Variants in DHX36 observed in about 807,000 individuals in gnomAD.
The protein encoded by DHX36 is ATP-dependent DNA/RNA helicase DHX36.
In DHX36, 50 loss-of-function variants were observed where a neutral mutation model predicts 139.0. The observed-to-expected ratio is 0.36, with a 90% CI of 0.29 to 0.46. The LOEUF is 0.46. Ranked by LOEUF, DHX36 falls within the 20% of genes least tolerant of loss-of-function variation. The pLI, the probability that DHX36 is intolerant of heterozygous loss-of-function variation, is 1.00. For synonymous variants in DHX36, 425 were observed against 401.9 expected (o/e 1.06, Z -0.69); for missense variants, 1,024 against 1,211.3 (o/e 0.85, Z 2.29).
chr3:154,303,602 A>G (rs1712384203), intron 8 of DHX36, among the ~76,000 whole-genome samples, 192 bp from the exon 9 acceptor site: 1 of 152,182 alleles, frequency 6.6e-6, no homozygotes, highest in African/African-American at 2.4e-5. Context: ...ACTCAATACC[A>G]TTTTACTGCT....
intron 15 of DHX36, among the ~76,000 whole-genome samples, 159 bp downstream of exon 15, chr3:154,292,392 A>G (rs950898521): frequency 6.6e-6 from 1 of 152,234 alleles, no homozygotes; most frequent in Non-Finnish European, 1.5e-5. Flanking sequence ...CAAACAAACT[A>G]CGATTAGAAC....
intron 3 of DHX36, chr3:154,311,906 A>G (rs1195175691): frequency 2.5e-6 from 1 of 398,184 alleles, no homozygotes; most frequent in Non-Finnish European, 4.4e-6. Flanking sequence ...GCTTTAAGTC[A>G]GTGGCAGTAA....
rs1403469802 is a variant in DHX36 at position 154,274,423 on chromosome 3, T to A, written c.*1748A>T. 1 of 156,078 alleles carries A rather than the reference T, an allele frequency of 6.4e-6. No homozygotes were observed. The highest frequency in any genetic ancestry group is 1.4e-5 in the Non-Finnish European group (1 of 70,424). The allele number at this position is 156,078 out of a possible 1,614,324, so 9.7% of individuals were successfully genotyped here. On this transcript the variant is annotated 3_prime_UTR_variant, in exon 25 of 25. Transcript: ENST00000496811. ...TTTATTATATCAACATAAGTCCACA[T>A]GTAAAGCAGCTCTAGAATGGGTTAA...
At chr3:154,288,147 C>CAAAAAAAAA (rs34632439) in intron 17 of DHX36, among the ~76,000 whole-genome samples, 3 of 53,338 alleles carry the variant, frequency 5.6e-5, no homozygotes, top group African/African-American at 7.8e-5. Flanking sequence ...GACTCTGTCT[C>CAAAAAAAAA]AAAAAAAAAA....
chr3:154,300,064 CTTTTTTTTTT>C, intron 11 of DHX36, 139 bp from the exon 12 acceptor site: 2 of 502,370 alleles, frequency 4.0e-6, no homozygotes, highest in Non-Finnish European at 7.2e-6. Flanking sequence ...AGTATATAAG[CTTTTTTTTTT>C]TAATTATTGT....
At position 154,293,878 on chromosome 3, in the gene DHX36, A is replaced by G. The variant is rs113648446; in HGVS notation, c.1606-66T>C. ...CTTCTAATACATTATATTTGTAATTAGAGGAATTACCTCAGATACTGTTCA... is the reference window on the plus strand; with the variant it reads ...CTTCTAATACATTATATTTGTAATTGGAGGAATTACCTCAGATACTGTTCA... On this transcript the variant is annotated intron_variant, in intron 13 of 24. Coordinates refer to ENST00000496811, the MANE Select transcript of DHX36 (RefSeq NM_020865.3). 550 of 1,178,126 alleles carry G rather than the reference A, an allele frequency of 4.7e-4. 1 individual carries two copies. In the African/African-American group the frequency reaches 7.3e-3, roughly 16 times the overall value. The allele number at this position is 1,178,126 out of a possible 1,614,324, so 73.0% of individuals were successfully genotyped here.
rs147125955 is a variant in DHX36, at chr3:154,293,676, A to G, written c.1670+72T>C. 2.9e-5 allele frequency: 31 copies of G among 1,084,504 alleles called. No individual in the cohort carries two copies. In the East Asian group the frequency reaches 7.4e-4, roughly 26 times the overall value. The allele number at this position is 1,084,504 out of a possible 1,614,324, so 67.2% of individuals were successfully genotyped here. A position where few individuals can be genotyped will look rare whatever the true frequency, so the allele number is the denominator to read the frequency against. Reference sequence around the variant, plus strand: ...GGTATATGGTAGAGAAAAAAGATTAAGGTATATAAACACGTTATGGTGTTT... The same window carrying G: ...GGTATATGGTAGAGAAAAAAGATTAGGGTATATAAACACGTTATGGTGTTT... On this transcript the variant is annotated intron_variant, in intron 14 of 24. Transcript: ENST00000496811.
intron 1 of DHX36, among the ~76,000 whole-genome samples, chr3:154,321,696 C>T (rs60409212): frequency 0.03 from 4,641 of 152,270 alleles, 205 homozygotes; most frequent in African/African-American, 0.1. Flanking sequence ...CCATGGCTCA[C>T]GCCTGTAATC....
chr3:154,292,873 C>T (rs572844495), intron 14 of DHX36, among the ~76,000 whole-genome samples, 179 bp from the exon 15 acceptor site: 1 of 152,062 alleles, frequency 6.6e-6, no homozygotes, highest in South Asian at 2.1e-4. Flanking sequence ...TCTTCACACC[C>T]ACATTACCAA....
At chr3:154,306,922 A>G (rs1712523441) in intron 5 of DHX36, among the ~76,000 whole-genome samples, 1 of 152,118 alleles carries the variant, frequency 6.6e-6, no homozygotes, top group Non-Finnish European at 1.5e-5. Flanking sequence ...ACACTGACAG[A>G]CCACATTAAC....
Position 154,289,811 on chromosome 3 carries a change from A to G in DHX36, c.1830T>C (p.His610=). The part of the protein sequence containing the change: ...KGRAGRVQPG[H]CYHLYNGLRA... ...TAAGACCATTATACAGATGATAGCA[A>G]TGACCAGGTTGAACTCTTAAAAAAA... Residue 610 remains histidine, a synonymous_variant, in exon 16 of 25, where the codon CAT becomes CAC. Transcript: ENST00000496811. The G allele has an allele frequency of 6.3e-7, 1 of 1,597,026 alleles. No homozygotes were observed. The highest frequency in any genetic ancestry group is 8.5e-7 in the Non-Finnish European group (1 of 1,170,798).
chr3:154,275,557 G>A lies in DHX36; in HGVS notation c.*614C>T, dbSNP rs1040416983. 1 of 152,602 alleles carries A rather than the reference G, an allele frequency of 6.6e-6. No homozygotes were observed. 9.5% of individuals were successfully genotyped at this position (152,602 alleles called of 1,614,324 possible). A position where few individuals can be genotyped will look rare whatever the true frequency, so the allele number is the denominator to read the frequency against. ...GCTCCAGACCGTGCTCTCAATTGCT[G>A]TATTATGAGGCACAGGGTGATATAA... On this transcript the variant is annotated 3_prime_UTR_variant, in exon 25 of 25. Coordinates refer to ENST00000496811, the MANE Select transcript of DHX36 (RefSeq NM_020865.3).
At chr3:154,305,731 C>T (rs1175071033) in intron 6 of DHX36, among the ~76,000 whole-genome samples, 1 of 152,184 alleles carries the variant, frequency 6.6e-6, no homozygotes, top group Non-Finnish European at 1.5e-5. Flanking sequence ...CACCACTGCA[C>T]TTCAGCCAGA....
At chr3:154,300,035 A>C (rs1712203822) in intron 11 of DHX36, 110 bp from the exon 12 acceptor site, 7 of 702,378 alleles carry the variant, frequency 1.0e-5, no homozygotes, top group Non-Finnish European at 1.7e-5. Context: ...GCTCAGGATA[A>C]TTTTCGTTAA....
chr3:154,292,958 A>G (rs573790461), intron 14 of DHX36, among the ~76,000 whole-genome samples: 1 of 152,252 alleles, frequency 6.6e-6, no homozygotes, highest in East Asian at 1.9e-4. Flanking sequence ...AGTTCTTCAG[A>G]TCATATACTA....
intron 1 of DHX36, chr3:154,319,296 T>C (rs2108369001): frequency 6.6e-6 from 1 of 152,354 alleles, no homozygotes; most frequent in South Asian, 2.1e-4. Context: ...TTTCAGTTCC[T>C]GGCAAGAAAC....
At chr3:154,306,112 A>T in intron 6 of DHX36, 104 bp downstream of exon 6, 1 of 806,376 alleles carries the variant, frequency 1.2e-6, no homozygotes. Flanking sequence ...TAATTGTAAT[A>T]GTAATAACCA....
intron 19 of DHX36, among the ~76,000 whole-genome samples, chr3:154,283,834 G>T (rs1378585976): frequency 6.6e-6 from 1 of 152,036 alleles, no homozygotes; most frequent in South Asian, 2.1e-4. Flanking sequence ...TTTACCCTCA[G>T]ATACACGTGG....
chr3:154,319,673 G>C (rs961123786), intron 1 of DHX36, among the ~76,000 whole-genome samples: 2 of 152,218 alleles, frequency 1.3e-5, no homozygotes, highest in East Asian at 3.9e-4. Flanking sequence ...GTAGACATTA[G>C]GCAGTCAACC....
Sources: gnomAD v4.1 joint callset for allele counts (sites outside exome capture counted in the v4.1 genomes callset) on GRCh38, gnomAD v4.1.1 for gene constraint, MANE v1.5 for transcripts, NCBI Gene and HGNC (gene_info 2026-07-23, HGNC 2026-07-21) for gene names.